The following MFHAS1 variants were observed in gnomAD, a reference collection of about 807,000 sequenced individuals.
MFHAS1 encodes the protein multifunctional ROCO family signaling regulator 1.
MFHAS1 carries 50 observed loss-of-function variants against 70.4 expected under a neutral mutation model. That is an observed-to-expected ratio of 0.71 (90% CI 0.57 to 0.90). The LOEUF (loss-of-function observed/expected upper bound fraction) is 0.90, where lower values mean the gene tolerates loss of function less well. Among genes scored for constraint, MFHAS1 ranks in the 40% least tolerant of loss-of-function variants. The pLI is 0.00. For synonymous variants in MFHAS1, 952 were observed against 620.0 expected (o/e 1.54, Z -7.96); for missense variants, 1,795 against 1,347.6 (o/e 1.33, Z -5.20).
intron 1 of MFHAS1, among the ~76,000 whole-genome samples, chr8:8,858,990 A>G (rs9657525): frequency 0.017 from 2,604 of 152,374 alleles, 71 homozygotes; most frequent in African/African-American, 0.053. Context: ...TACTTCTTAC[A>G]TATGCACACA....
chr8:8,820,998 T>C (rs1402606517), intron 1 of MFHAS1, among the ~76,000 whole-genome samples: 1 of 152,172 alleles, frequency 6.6e-6, no homozygotes, highest in African/African-American at 2.4e-5. Flanking sequence ...TTCCTACCCC[T>C]CTTCCTTTAA....
chr8:8,858,386 A>C (rs565696077), intron 1 of MFHAS1, among the ~76,000 whole-genome samples: 1 of 152,240 alleles, frequency 6.6e-6, no homozygotes, highest in African/African-American at 2.4e-5. Flanking sequence ...AATTCTAATA[A>C]ATGAAAGAAA....
At chr8:8,854,314 G>A (rs1585053217) in intron 1 of MFHAS1, among the ~76,000 whole-genome samples, 1 of 152,120 alleles carries the variant, frequency 6.6e-6, no homozygotes, top group South Asian at 2.1e-4. Context: ...GAGGTCAGGA[G>A]ATCAAGACCA....
At chr8:8,836,766 T>C (rs1459516211) in intron 1 of MFHAS1, among the ~76,000 whole-genome samples, 1 of 152,244 alleles carries the variant, frequency 6.6e-6, no homozygotes, top group Non-Finnish European at 1.5e-5. Context: ...GAAGTAGAGC[T>C]AGATAACTTC....
At chr8:8,794,507 G>A (rs902693910) in intron 2 of MFHAS1, among the ~76,000 whole-genome samples, 11 of 152,150 alleles carry the variant, frequency 7.2e-5, no homozygotes, top group East Asian at 3.9e-4. Context: ...TGCTTAAGGC[G>A]GTGAAGGTGG....
intron 1 of MFHAS1, among the ~76,000 whole-genome samples, chr8:8,883,707 CAAAAAAA>C (rs35799658): frequency 1.4e-4 from 4 of 29,588 alleles, no homozygotes; most frequent in African/African-American, 4.3e-4. Context: ...GACTCAGTCT[CAAAAAAA>C]AAAAAAAAAA....
At chr8:8,850,733 G>A (rs1043145147) in intron 1 of MFHAS1, among the ~76,000 whole-genome samples, 1 of 149,798 alleles carries the variant, frequency 6.7e-6, no homozygotes, top group Admixed American at 6.7e-5. Context: ...GCTGAAGCAG[G>A]AGAATCGCTT....
chr8:8,857,259 C>G (rs1808479355), intron 1 of MFHAS1, among the ~76,000 whole-genome samples: 1 of 152,078 alleles, frequency 6.6e-6, no homozygotes, highest in Non-Finnish European at 1.5e-5. Context: ...ACTAAACTGC[C>G]AATGCAACTT....
intron 1 of MFHAS1, among the ~76,000 whole-genome samples, chr8:8,868,876 AG>A (rs1808963824): frequency 6.6e-6 from 1 of 152,160 alleles, no homozygotes; most frequent in Non-Finnish European, 1.5e-5. Flanking sequence ...GAAGAGAAAA[AG>A]GGAGAGGAAA....
At chr8:8,812,316 T>C (rs913675400) in intron 1 of MFHAS1, among the ~76,000 whole-genome samples, 3 of 152,088 alleles carry the variant, frequency 2.0e-5, no homozygotes, top group Admixed American at 6.6e-5. Context: ...GATCTTAGCA[T>C]CCCCCTTTTT....
chr8:8,838,623 G>A (rs1807692693), intron 1 of MFHAS1, among the ~76,000 whole-genome samples: 1 of 152,030 alleles, frequency 6.6e-6, no homozygotes, highest in Non-Finnish European at 1.5e-5. Context: ...GACCACCCTG[G>A]CCAACATGGC....
intron 1 of MFHAS1, among the ~76,000 whole-genome samples, chr8:8,863,258 G>GT (rs1384449045): frequency 6.6e-6 from 1 of 152,202 alleles, no homozygotes; most frequent in Non-Finnish European, 1.5e-5. Flanking sequence ...ATCAGGCAGT[G>GT]TAACTTAGAA....
At chr8:8,845,811 A>C (rs902074975) in intron 1 of MFHAS1, among the ~76,000 whole-genome samples, 2 of 152,064 alleles carry the variant, frequency 1.3e-5, no homozygotes, top group African/African-American at 4.8e-5. Context: ...TTCCCCACAA[A>C]ATCTGCTCCT....
At chr8:8,879,304 T>C (rs554027051) in intron 1 of MFHAS1, among the ~76,000 whole-genome samples, 1 of 151,688 alleles carries the variant, frequency 6.6e-6, no homozygotes, top group South Asian at 2.1e-4. Flanking sequence ...TGAGCCAAGA[T>C]CGCATCACTG....
At position 8,890,723 on chromosome 8, in the gene MFHAS1, A is replaced by G; in HGVS notation, c.2336T>C (p.Leu779Pro). ...CTGATGGAGCTGGGTGGCCCGGAGCAGTTCCTGGCTGGGGGTGGACCGCGC... is the reference window on the plus strand; with the variant it reads ...CTGATGGAGCTGGGTGGCCCGGAGCGGTTCCTGGCTGGGGGTGGACCGCGC... ...PMARSTPSQE[L>P]LRATQLHQYV... is the part of the protein sequence containing the mutation. Residue 779 changes from leucine (L) to proline (P), a missense_variant, in exon 1 of 3, where the codon CTG (leucine) becomes CCG (proline). Physicochemically the swap from Leu to Pro is moderately conservative, Grantham distance 98. Transcript: ENST00000276282. 1 of 1,613,726 alleles carries G rather than the reference A, an allele frequency of 6.2e-7. No individual in the cohort carries two copies. Among genetic ancestry groups the G allele is most frequent in the Non-Finnish European group, 8.5e-7 (1 of 1,179,760 alleles).
At chr8:8,838,697 C>T (rs904888543) in intron 1 of MFHAS1, among the ~76,000 whole-genome samples, 1 of 151,804 alleles carries the variant, frequency 6.6e-6, no homozygotes, top group Non-Finnish European at 1.5e-5. Context: ...CCTGTAATTC[C>T]AGCTACTCAG....
At chr8:8,850,039 TG>T (rs537847279) in intron 1 of MFHAS1, among the ~76,000 whole-genome samples, 164 of 152,356 alleles carry the variant, frequency 1.1e-3, no homozygotes, top group African/African-American at 3.8e-3. Flanking sequence ...ATAGCACTGA[TG>T]GCTAATACTA....
chr8:8,892,563 T>C lies in MFHAS1; in HGVS notation c.496A>G (p.Ser166Gly). 3 of 1,604,316 alleles carry C rather than the reference T, an allele frequency of 1.9e-6. No individual in the cohort carries two copies. The highest frequency in any genetic ancestry group is 2.6e-6 in the Non-Finnish European group (3 of 1,176,074). ...ALAHLEELDV[S>G]FNRLAHLPDS... The stretch of plus-strand genomic sequence containing the variant: ...GGCAGGTGCGCCAGCCGGTTAAAGC[T>C]GACATCCAGCTCCTCCAGGTGAGCG... The change falls in exon 1 of 3, where the codon AGC (serine) becomes GGC (glycine). Residue 166 changes from serine to glycine, a missense_variant. Physicochemically the swap from Ser to Gly is moderately conservative, Grantham distance 56. Coordinates refer to ENST00000276282, the MANE Select transcript of MFHAS1 (RefSeq NM_004225.3). This position sits in a 1 kb window ranked among gnomAD's most constrained non-coding sequence, Gnocchi z 4.7.
chr8:8,815,686 C>T (rs1032087218), intron 1 of MFHAS1, among the ~76,000 whole-genome samples: 4 of 152,112 alleles, frequency 2.6e-5, no homozygotes, highest in African/African-American at 9.7e-5. Flanking sequence ...AAACACTCAG[C>T]ATAATCAATT....
Sources: gnomAD v4.1 joint callset for allele counts (sites outside exome capture counted in the v4.1 genomes callset) on GRCh38, gnomAD v4.1.1 for gene constraint, Gnocchi (gnomAD v3.1) non-coding constraint, MANE v1.5 for transcripts, NCBI Gene and HGNC (gene_info 2026-07-23, HGNC 2026-07-21) for gene names.